AMMECR1: variants seen among roughly 807,000 people sequenced by gnomAD.
AMMECR1 encodes the protein AMMECR nuclear protein 1, also known as nuclear protein AMMECR1.
In AMMECR1, 3 loss-of-function variants were observed where a neutral mutation model predicts 22.5. That is an observed-to-expected ratio of 0.13 (90% CI 0.06 to 0.35). AMMECR1 has a LOEUF of 0.35. Among genes scored for constraint, AMMECR1 ranks in the 10% least tolerant of loss-of-function variants. The pLI, the probability that AMMECR1 is intolerant of heterozygous loss-of-function variation, is 1.00. For synonymous variants in AMMECR1, 130 were observed against 116.7 expected (o/e 1.11, Z -0.74); for missense variants, 235 against 278.7 (o/e 0.84, Z 1.12).
At chrX:110,367,985 T>C (rs2068309701) in intron 2 of AMMECR1, among the ~76,000 whole-genome samples, 1 of 100,085 alleles carries the variant, frequency 1.0e-5, no homozygotes, top group Admixed American at 1.1e-4. Flanking sequence ...TTATTATTAT[T>C]ATTATTATTA....
intron 2 of AMMECR1, among the ~76,000 whole-genome samples, chrX:110,252,594 T>C (rs1452931529): frequency 8.9e-6 from 1 of 112,281 alleles, no homozygotes; most frequent in East Asian, 2.8e-4. Flanking sequence ...ATGAAAACTA[T>C]AAGAAACTAG....
At chrX:110,429,642 C>T (rs780765743) in intron 1 of AMMECR1, among the ~76,000 whole-genome samples, 31 of 109,863 alleles carry the variant, frequency 2.8e-4, no homozygotes, top group Middle Eastern at 9.4e-3. Flanking sequence ...GCCACCATGC[C>T]CTGCTAATTT....
intron 1 of AMMECR1, among the ~76,000 whole-genome samples, chrX:110,312,116 G>A (rs1249394440): frequency 8.9e-6 from 1 of 112,453 alleles, no homozygotes; most frequent in African/African-American, 3.2e-5. Flanking sequence ...ACATAATAAT[G>A]CCTATTGAAA....
intron 2 of AMMECR1, among the ~76,000 whole-genome samples, chrX:110,262,237 T>C (rs981224810): frequency 2.4e-4 from 27 of 112,395 alleles, no homozygotes; most frequent in Non-Finnish European, 4.5e-4. Flanking sequence ...CCAAATAGTA[T>C]GATTGTTAAT....
intron 3 of AMMECR1, among the ~76,000 whole-genome samples, chrX:110,215,168 CT>C (rs761427377): frequency 8.9e-6 from 1 of 111,840 alleles, no homozygotes; most frequent in African/African-American, 3.2e-5. Flanking sequence ...TTATTTCTTC[CT>C]TTGCAAAAAT....
chrX:110,258,095 T>G (rs1478955975), intron 2 of AMMECR1, among the ~76,000 whole-genome samples: 1 of 112,120 alleles, frequency 8.9e-6, no homozygotes, highest in Non-Finnish European at 1.9e-5. Flanking sequence ...ATTTTGCCTG[T>G]GGCTCTTAAT....
chrX:110,202,975 A>G (rs750065214), intron 3 of AMMECR1, among the ~76,000 whole-genome samples: 1 of 112,033 alleles, frequency 8.9e-6, no homozygotes, highest in South Asian at 3.7e-4. Flanking sequence ...TTTGGTGCTG[A>G]TCCCCTCCCA....
At chrX:110,288,045 A>G (rs2148211213) in intron 1 of AMMECR1, among the ~76,000 whole-genome samples, 1 of 112,382 alleles carries the variant, frequency 8.9e-6, no homozygotes, top group African/African-American at 3.2e-5. Context: ...GAAAATAGCT[A>G]TGAATGAGGA....
At chrX:110,244,403 G>T (rs2067648155) in intron 2 of AMMECR1, among the ~76,000 whole-genome samples, 1 of 110,992 alleles carries the variant, frequency 9.0e-6, no homozygotes, top group Non-Finnish European at 1.9e-5. Context: ...CTTACATTTG[G>T]CTCAGGAAGT....
intron 2 of AMMECR1, among the ~76,000 whole-genome samples, chrX:110,253,186 G>C (rs1286621622): frequency 1.8e-5 from 2 of 112,388 alleles, no homozygotes; most frequent in Non-Finnish European, 3.8e-5. Flanking sequence ...AGCTGAGCAT[G>C]GTGGCATTCA....
intron 2 of AMMECR1, among the ~76,000 whole-genome samples, chrX:110,262,680 C>T (rs1289702121): frequency 8.9e-6 from 1 of 112,053 alleles, no homozygotes; most frequent in Non-Finnish European, 1.9e-5. Flanking sequence ...ATGACCACTA[C>T]GAAAGATTTC....
chrX:110,391,226 G>C (rs2068491634), intron 2 of AMMECR1, among the ~76,000 whole-genome samples: 2 of 111,155 alleles, frequency 1.8e-5, no homozygotes, highest in Non-Finnish European at 3.8e-5. Context: ...TCACACTGAG[G>C]CTGTGAATGT....
intron 3 of AMMECR1, among the ~76,000 whole-genome samples, chrX:110,214,118 C>A (rs943198374): frequency 9.1e-6 from 1 of 110,405 alleles, no homozygotes; most frequent in South Asian, 3.9e-4. Flanking sequence ...AAAAAATTAG[C>A]CAGTCATAGT....
intron 1 of AMMECR1, among the ~76,000 whole-genome samples, chrX:110,428,953 G>A (rs1367866527): frequency 8.9e-6 from 1 of 112,117 alleles, no homozygotes; most frequent in Non-Finnish European, 1.9e-5. Context: ...TGTATCCAGC[G>A]CACTGGCCAA....
At chrX:110,286,392 G>A (rs989933584) in intron 1 of AMMECR1, among the ~76,000 whole-genome samples, 5 of 110,743 alleles carry the variant, frequency 4.5e-5, no homozygotes, top group Admixed American at 9.6e-5. Flanking sequence ...AGCATGGGCC[G>A]GGCGTAATGG....
chrX:110,222,969 C>T (rs2067512146), intron 2 of AMMECR1, among the ~76,000 whole-genome samples: 1 of 111,680 alleles, frequency 9.0e-6, no homozygotes, highest in Non-Finnish European at 1.9e-5. Context: ...TTAAAAGCCT[C>T]TACTCTCTAT....
chrX:110,342,261 C>T lies in AMMECR1; in HGVS notation c.-147-24412G>A, dbSNP rs530945846. On this transcript the variant is annotated intron_variant, in intron 2 of 7. Coordinates refer to the AMMECR1 transcript ENST00000372057. ...CAAGGTACAGTACTATTTGCCATTTCAGGCATCCACTGGGGGTAATAATGT... is the reference window on the plus strand; with the variant it reads ...CAAGGTACAGTACTATTTGCCATTTTAGGCATCCACTGGGGGTAATAATGT... Among the ~76,000 whole-genome samples the T allele has an allele frequency of 1.0e-3, 115 of 111,811 alleles. 1 individual carries two copies. The highest frequency in any genetic ancestry group is 1.9e-3 in the Non-Finnish European group (100 of 53,134).
intron 2 of AMMECR1, among the ~76,000 whole-genome samples, chrX:110,344,087 C>T (rs1403588366): frequency 8.9e-6 from 1 of 111,897 alleles, no homozygotes; most frequent in African/African-American, 3.2e-5. Context: ...TACCTGACTT[C>T]AAACTATACT....
At chrX:110,334,428 T>C (rs2068133061) in intron 2 of AMMECR1, among the ~76,000 whole-genome samples, 1 of 112,001 alleles carries the variant, frequency 8.9e-6, no homozygotes, top group African/African-American at 3.2e-5. Context: ...AAAATTGCTT[T>C]GAAAAGGCAC....
Sources: gnomAD v4.1 joint callset for allele counts (sites outside exome capture counted in the v4.1 genomes callset) on GRCh38, gnomAD v4.1.1 for gene constraint, MANE v1.5 for transcripts, NCBI Gene and HGNC (gene_info 2026-07-23, HGNC 2026-07-21) for gene names.